GSE1: variants seen among roughly 807,000 people sequenced by gnomAD.
GSE1 encodes the protein genetic suppressor element 1.
In GSE1, 32 loss-of-function variants were observed where a neutral mutation model predicts 112.6. That is an observed-to-expected ratio of 0.28 (90% confidence interval 0.21 to 0.38). The LOEUF (loss-of-function observed/expected upper bound fraction) is 0.38. Among genes scored for constraint, GSE1 ranks in the 10% least tolerant of loss-of-function variants. The pLI is 1.00. For missense variants in GSE1, 2,348 were observed against 1,699.2 expected (o/e 1.38, Z -6.71); for synonymous variants, 1,115 against 735.6 (o/e 1.52, Z -8.35).
chr16:85,479,342 T>G (rs1002038408), intron 2 of GSE1, among the ~76,000 whole-genome samples: 4 of 151,736 alleles, frequency 2.6e-5, no homozygotes, highest in African/African-American at 9.7e-5. Context: ...TTAGTTTTTG[T>G]ATTTTTAGTA....
At chr16:85,662,234 C>T (rs2052494366) in intron 9 of GSE1, 1 of 156,786 alleles carries the variant, frequency 6.4e-6, no homozygotes, top group Non-Finnish European at 1.4e-5. Flanking sequence ...TCAGGCACTT[C>T]ATTCTTATTT....
At chr16:85,596,592 G>A (rs2047236684) in intron 1 of GSE1, among the ~76,000 whole-genome samples, 1 of 152,194 alleles carries the variant, frequency 6.6e-6, no homozygotes. Context: ...CAATACAGTA[G>A]CCACTATCTA....
intron 2 of GSE1, among the ~76,000 whole-genome samples, chr16:85,508,983 G>T (rs2051639342): frequency 6.6e-6 from 1 of 152,218 alleles, no homozygotes; most frequent in African/African-American, 2.4e-5. Context: ...CTGGGTCACA[G>T]TGGATATGTC....
intron 2 of GSE1, among the ~76,000 whole-genome samples, chr16:85,524,461 T>C (rs1266031610): frequency 6.6e-6 from 1 of 152,004 alleles, no homozygotes; most frequent in African/African-American, 2.4e-5. Flanking sequence ...CTGCCGTGGC[T>C]GTGGTGGTTG....
chr16:85,646,021 G>A (rs1400156514), intron 2 of GSE1, among the ~76,000 whole-genome samples: 3 of 146,538 alleles, frequency 2.0e-5, no homozygotes, highest in Non-Finnish European at 3.0e-5. Context: ...CTTCTCCCAC[G>A]CTTTCTATGC....
intron 1 of GSE1, among the ~76,000 whole-genome samples, chr16:85,625,380 G>A (rs1040034939): frequency 9.2e-5 from 14 of 152,212 alleles, no homozygotes; most frequent in Admixed American, 3.9e-4. Flanking sequence ...CTCCTAGGAG[G>A]CTGCTGTCCG....
chr16:85,319,276 G>A (rs2046049033), intron 1 of GSE1, among the ~76,000 whole-genome samples: 1 of 152,222 alleles, frequency 6.6e-6, no homozygotes, highest in African/African-American at 2.4e-5. Context: ...CCCAGAACTT[G>A]CGATCGGTGC....
At chr16:85,480,111 T>A (rs1004954480) in intron 2 of GSE1, among the ~76,000 whole-genome samples, 2 of 152,166 alleles carry the variant, frequency 1.3e-5, no homozygotes, top group Non-Finnish European at 2.9e-5. Flanking sequence ...AACGTCCTGT[T>A]CCCATTTACT....
chr16:85,240,978 C>T (rs1370073627), intron 1 of GSE1, among the ~76,000 whole-genome samples: 1 of 152,194 alleles, frequency 6.6e-6, no homozygotes, highest in Non-Finnish European at 1.5e-5. Flanking sequence ...AAAGCTGCCA[C>T]CCTAGGCCTT....
chr16:85,596,166 C>T (rs1297097075), intron 1 of GSE1, among the ~76,000 whole-genome samples: 4 of 152,064 alleles, frequency 2.6e-5, no homozygotes, highest in African/African-American at 9.7e-5. Flanking sequence ...ACGTGGCTGC[C>T]TCCCCCACCG....
intron 2 of GSE1, among the ~76,000 whole-genome samples, chr16:85,407,392 A>G: frequency 1.3e-4 from 1 of 7,454 alleles, no homozygotes; most frequent in Non-Finnish European, 2.2e-4. Flanking sequence ...TCACTGTTAC[A>G]CTCAGGGCCC....
At chr16:85,223,288 C>T (rs1221021530) in intron 1 of GSE1, among the ~76,000 whole-genome samples, 2 of 152,266 alleles carry the variant, frequency 1.3e-5, no homozygotes, top group African/African-American at 4.8e-5. Flanking sequence ...TTTGGGAGGC[C>T]AAGGCGCGTG....
chr16:85,616,223 C>A (rs1015592246), intron 1 of GSE1, among the ~76,000 whole-genome samples: 1 of 152,246 alleles, frequency 6.6e-6, no homozygotes, highest in African/African-American at 2.4e-5. Context: ...GGAGCAGGTA[C>A]TGTCTGTCCT....
At chr16:85,251,011 T>G (rs944028898) in intron 1 of GSE1, among the ~76,000 whole-genome samples, 1 of 152,222 alleles carries the variant, frequency 6.6e-6, no homozygotes, top group African/African-American at 2.4e-5. Flanking sequence ...TTTTCATAGC[T>G]GAGTAATATT....
chr16:85,334,418 G>A (rs1291627977), intron 1 of GSE1, among the ~76,000 whole-genome samples: 2 of 152,240 alleles, frequency 1.3e-5, no homozygotes, highest in African/African-American at 4.8e-5. Flanking sequence ...CTGTTGCCAA[G>A]GTCCCGCACT....
intron 1 of GSE1, among the ~76,000 whole-genome samples, chr16:85,315,934 G>T (rs918117028): frequency 3.3e-5 from 5 of 152,170 alleles, no homozygotes; most frequent in Non-Finnish European, 5.9e-5. Context: ...GTGGGAGGGG[G>T]GGTGAAGGTG....
chr16:85,278,089 G>T (rs1285342638), intron 1 of GSE1, among the ~76,000 whole-genome samples: 2 of 152,254 alleles, frequency 1.3e-5, no homozygotes, highest in Non-Finnish European at 2.9e-5. Context: ...GAAGGTCACG[G>T]GCATGGCCCC....
chr16:85,348,331 C>G (rs1414877585), intron 1 of GSE1, among the ~76,000 whole-genome samples: 2 of 136,078 alleles, frequency 1.5e-5, no homozygotes, highest in African/African-American at 2.8e-5. Flanking sequence ...CATCCACTGC[C>G]TATCCATCTG....
chr16:85,542,080 C>T (rs1007384895), intron 2 of GSE1, among the ~76,000 whole-genome samples: 20 of 150,788 alleles, frequency 1.3e-4, no homozygotes, highest in African/African-American at 4.9e-4. Flanking sequence ...TGCCCTGCCC[C>T]ACCCCCACCC....
Sources: gnomAD v4.1 joint callset for allele counts (sites outside exome capture counted in the v4.1 genomes callset) on GRCh38, gnomAD v4.1.1 for gene constraint, MANE v1.5 for transcripts, NCBI Gene and HGNC (gene_info 2026-07-23, HGNC 2026-07-21) for gene names.